Variants in KDM1A observed in about 807,000 individuals in gnomAD.
The protein encoded by KDM1A is lysine-specific histone demethylase 1A.
In KDM1A, 49 loss-of-function variants were observed where a neutral mutation model predicts 109.4. The observed-to-expected ratio is 0.45, with a 90% confidence interval of 0.36 to 0.57. The LOEUF (loss-of-function observed/expected upper bound fraction) is 0.57. Ranked by LOEUF, KDM1A falls within the 20% of genes least tolerant of loss-of-function variation. The pLI is 0.00. For synonymous variants in KDM1A, 380 were observed against 415.4 expected (o/e 0.91, Z 1.04); for missense variants, 668 against 1,116.6 (o/e 0.60, Z 5.73).
At chr1:23,030,835 A>G (rs1012993264) in intron 2 of KDM1A, among the ~76,000 whole-genome samples, 1 of 152,126 alleles carries the variant, frequency 6.6e-6, no homozygotes, top group Admixed American at 6.5e-5. Context: ...AGATACGTAC[A>G]TACTGGTACT....
intron 9 of KDM1A, among the ~76,000 whole-genome samples, chr1:23,060,191 A>T (rs1642960267): frequency 2.6e-5 from 4 of 152,204 alleles, no homozygotes. Context: ...GAACTCAACA[A>T]TTGAGTAAAC....
At chr1:23,071,381 A>G in intron 13 of KDM1A, 22 bp downstream of exon 13, 1 of 1,570,110 alleles carries the variant, frequency 6.4e-7, no homozygotes, top group Non-Finnish European at 8.6e-7. Flanking sequence ...ATACATGCCT[A>G]ACTGGTTTTA....
In KDM1A at chr1:23,022,422, G is replaced by A. The variant is rs564852767; in HGVS notation, c.351+2475G>A. 2.0e-3 allele frequency among the ~76,000 whole-genome samples: 305 copies of A among 149,696 alleles called. 1 individual carries two copies. Among genetic ancestry groups the A allele is most frequent in the African/African-American group, 7.3e-3 (296 of 40,728 alleles). ...ATGACCTCGGCTCACTGCAACATCC[G>A]CCTCCAAGGTTCAAGTGATTCTCCT... On this transcript the variant is annotated intron_variant, in intron 1 of 20. Coordinates refer to ENST00000400181, the MANE Select transcript of KDM1A (RefSeq NM_001009999.3).
intron 2 of KDM1A, among the ~76,000 whole-genome samples, chr1:23,042,440 A>ATTATTATTATTATT (rs1553127465): frequency 1.6e-3 from 34 of 21,554 alleles, no homozygotes; most frequent in Non-Finnish European, 2.3e-3. Context: ...GAAATATATT[A>ATTATTATTATTATT]TTTTTTTTTT....
intron 9 of KDM1A, among the ~76,000 whole-genome samples, chr1:23,063,213 GT>G (rs1643058103): frequency 2.0e-4 from 9 of 44,674 alleles, no homozygotes; most frequent in Non-Finnish European, 3.0e-4. Context: ...GGGGTGTGGT[GT>G]GGGGTGGGTG....
chr1:23,053,081 A>C (rs1642719383), intron 4 of KDM1A, among the ~76,000 whole-genome samples: 1 of 152,132 alleles, frequency 6.6e-6, no homozygotes, highest in Non-Finnish European at 1.5e-5. Context: ...TGTCCTTGAC[A>C]CCTTTCTCCC....
rs567842428 is a variant in KDM1A at position 23,045,364 on chromosome 1, A to G, written c.577+878A>G. ...TATAACAGGTCCTGGGACTGTTTCT[A>G]TTTCACTCTCTTGAACTAAAGGTAG... On this transcript the variant is annotated intron_variant, in intron 3 of 20. Coordinates refer to ENST00000400181, the MANE Select transcript of KDM1A (RefSeq NM_001009999.3). Among the ~76,000 whole-genome samples the G allele has an allele frequency of 1.1e-4, 16 of 152,298 alleles. No homozygotes were observed. In the South Asian group the frequency reaches 1.2e-3, roughly 12 times the overall value.
Position 23,055,076 on chromosome 1 carries a change from T to C in KDM1A, c.798T>C (p.Thr266=). The part of the protein sequence containing the change: ...QQLEAPYNSD[T]VLVHRVHSYL... ...AATCCACTTATTCTGTAGGTGATAC[T>C]GTGCTTGTCCACCGAGTTCACAGTT... The change falls in exon 6 of 21, where the codon ACT becomes ACC. Residue 266 remains threonine (T), a synonymous_variant. Transcript: ENST00000400181. 1 of 1,604,498 alleles carries C rather than the reference T, an allele frequency of 6.2e-7. No homozygotes were observed. Among genetic ancestry groups the C allele is most frequent in the Non-Finnish European group, 8.5e-7 (1 of 1,174,656 alleles).
chr1:23,074,843 C>T (rs1044901774), intron 15 of KDM1A, among the ~76,000 whole-genome samples: 1 of 152,180 alleles, frequency 6.6e-6, no homozygotes, highest in Admixed American at 6.5e-5. Flanking sequence ...AATTAATTGG[C>T]ATGTAAGCAT....
chr1:23,040,834 G>A (rs141069573), intron 2 of KDM1A, among the ~76,000 whole-genome samples: 3 of 152,250 alleles, frequency 2.0e-5, no homozygotes, highest in African/African-American at 7.2e-5. Flanking sequence ...CAAGCTTGAG[G>A]ACTATTTTGT....
At chr1:23,042,459 T>TA (rs1315805566) in intron 2 of KDM1A, among the ~76,000 whole-genome samples, 1 of 114,196 alleles carries the variant, frequency 8.8e-6, no homozygotes, top group Non-Finnish European at 1.9e-5. Context: ...TTTTTTTTTT[T>TA]TTTTTTTTTT....
Position 23,056,677 on chromosome 1 carries a change from A to G in KDM1A, c.990+639A>G, listed in dbSNP as rs1431596675. On this transcript the variant is annotated intron_variant, in intron 7 of 20. Transcript: ENST00000400181. ...GATATACTATTATTAAAAATTTTATATATTTAGAAAACATCTTTGTGCACT... is the reference window on the plus strand; with the variant it reads ...GATATACTATTATTAAAAATTTTATGTATTTAGAAAACATCTTTGTGCACT... 3.9e-5 allele frequency among the ~76,000 whole-genome samples: 6 copies of G among 151,910 alleles called. No individual in the cohort carries two copies. In the South Asian group the frequency reaches 1.2e-3, roughly 32 times the overall value.
chr1:23,050,644 C>G (rs974149689), intron 4 of KDM1A, 124 bp downstream of exon 4: 2 of 704,528 alleles, frequency 2.8e-6, no homozygotes, highest in Admixed American at 7.7e-5. Context: ...TATTATTACC[C>G]AGAGATAACC....
At chr1:23,081,156 A>C (rs1643610236) in intron 18 of KDM1A, 2 of 295,590 alleles carry the variant, frequency 6.8e-6, no homozygotes, top group South Asian at 1.1e-4. Context: ...TTTTATTAGC[A>C]AGATCTGAAA....
intron 3 of KDM1A, among the ~76,000 whole-genome samples, chr1:23,049,067 G>A (rs1184374007): frequency 2.1e-5 from 3 of 142,546 alleles, no homozygotes; most frequent in Admixed American, 7.5e-5. Context: ...CAGGAGAATC[G>A]CCTGAACCCA....
chr1:23,075,524 T>G (rs909096767), intron 15 of KDM1A, among the ~76,000 whole-genome samples: 3 of 148,136 alleles, frequency 2.0e-5, no homozygotes, highest in Admixed American at 6.7e-5. Context: ...TGAGCGGAGA[T>G]CGCGCCATTG....
chr1:23,019,509 C>T lies in KDM1A; in HGVS notation c.-88C>T, dbSNP rs1641536366. ...ACGGCGGTTGGCGGCGCGCGGGCAG[C>T]GTGAAGCGAGGCGAGGCAAGGCTTT... On this transcript the variant is annotated 5_prime_UTR_variant, in exon 1 of 21. Coordinates refer to ENST00000400181, the MANE Select transcript of KDM1A (RefSeq NM_001009999.3). The T allele has an allele frequency of 1.5e-6, 2 of 1,308,186 alleles. No individual in the cohort carries two copies. The highest frequency in any genetic ancestry group is 9.7e-7 in the Non-Finnish European group (1 of 1,029,072). 81.0% of individuals were successfully genotyped at this position (1,308,186 alleles called of 1,614,324 possible).
intron 18 of KDM1A, 145 bp from the exon 19 acceptor site, chr1:23,081,301 A>C: frequency 1.1e-6 from 1 of 926,262 alleles, no homozygotes; most frequent in Non-Finnish European, 1.6e-6. Flanking sequence ...TTTCAGAAAC[A>C]TAATCTGTCT....
intron 2 of KDM1A, among the ~76,000 whole-genome samples, chr1:23,032,293 T>A (rs1208578916): frequency 6.6e-6 from 1 of 152,162 alleles, no homozygotes; most frequent in African/African-American, 2.4e-5. Context: ...GGTTCCAAGT[T>A]GATAAACGTT....
Sources: allele counts gnomAD v4.1 joint callset (sites outside exome capture counted in the v4.1 genomes callset), GRCh38; gene constraint gnomAD v4.1.1; transcripts MANE v1.5; gene names NCBI Gene and HGNC (gene_info 2026-07-23, HGNC 2026-07-21).